Variants in GSK3B observed in about 807,000 individuals in gnomAD.
GSK3B encodes the protein glycogen synthase kinase 3 beta, also known as glycogen synthase kinase-3 beta.
Under a neutral mutation model 56.4 loss-of-function variants are expected in GSK3B, and 15 were observed. That is an observed-to-expected ratio of 0.27 (90% CI 0.18 to 0.41). The LOEUF (loss-of-function observed/expected upper bound fraction) is 0.41, where lower values mean the gene tolerates loss of function less well. Ranked by LOEUF, GSK3B falls within the 10% of genes least tolerant of loss-of-function variation. The pLI is 1.00. For synonymous variants in GSK3B, 181 were observed against 188.9 expected, an observed-to-expected ratio of 0.96 and a Z score of 0.34; for missense variants, 300 against 513.4, an observed-to-expected ratio of 0.58 and a Z score of 4.02.
intron 9 of GSK3B, among the ~76,000 whole-genome samples, chr3:119,854,353 T>C (rs2108023174): frequency 6.6e-6 from 1 of 152,350 alleles, no homozygotes; most frequent in Middle Eastern, 3.4e-3. Context: ...GCATCCATAT[T>C]CATCAGGGAT....
chr3:119,901,240 A>G (rs2056622062), intron 7 of GSK3B, among the ~76,000 whole-genome samples: 1 of 152,186 alleles, frequency 6.6e-6, no homozygotes, highest in African/African-American at 2.4e-5. Flanking sequence ...TTAAAGGAAA[A>G]AAAGCACATT....
At chr3:119,979,794 C>G (rs920224254) in intron 2 of GSK3B, among the ~76,000 whole-genome samples, 1 of 152,046 alleles carries the variant, frequency 6.6e-6, no homozygotes, top group Non-Finnish European at 1.5e-5. Context: ...GAAAAGGCAC[C>G]ACAAATCCCA....
chr3:120,034,477 T>A (rs6802301), intron 1 of GSK3B, among the ~76,000 whole-genome samples: 42,306 of 151,996 alleles, frequency 0.28, 7,639 homozygotes, highest in African/African-American at 0.52. Context: ...TTGTGGGGGA[T>A]AAAAAATTAT....
intron 2 of GSK3B, among the ~76,000 whole-genome samples, chr3:119,976,148 T>G (rs2057406663): frequency 6.6e-6 from 1 of 152,218 alleles, no homozygotes; most frequent in African/African-American, 2.4e-5. Context: ...GTACAGCTGC[T>G]TTAGAAAATA....
At chr3:119,920,466 C>T (rs865871193) in intron 4 of GSK3B, among the ~76,000 whole-genome samples, 1 of 152,120 alleles carries the variant, frequency 6.6e-6, no homozygotes, top group Non-Finnish European at 1.5e-5. Flanking sequence ...GTCTTGAACT[C>T]CTGACGACCT....
chr3:119,822,041 A>G lies in GSK3B; in HGVS notation c.*4747T>C, dbSNP rs2055416447. 5.1e-6 allele frequency: 1 copy of G among 197,010 alleles called. No homozygotes were observed. The highest frequency in any genetic ancestry group is 1.1e-5 in the Non-Finnish European group (1 of 94,994). 12.2% of individuals were successfully genotyped at this position (197,010 alleles called of 1,614,324 possible). A position where few individuals can be genotyped will look rare whatever the true frequency, so the allele number is the denominator to read the frequency against. Reference sequence around the variant, plus strand: ...ATTTCCAAACCAAGTCACATAGAACAAAATGTATTTACAAGGGAATGGGGA... The same window carrying G: ...ATTTCCAAACCAAGTCACATAGAACGAAATGTATTTACAAGGGAATGGGGA... On this transcript the variant is annotated 3_prime_UTR_variant, in exon 11 of 11. Transcript: ENST00000264235.
intron 5 of GSK3B, among the ~76,000 whole-genome samples, chr3:119,913,272 A>G (rs2056752501): frequency 6.6e-6 from 1 of 152,108 alleles, no homozygotes; most frequent in Non-Finnish European, 1.5e-5. Flanking sequence ...CTCACGGCGA[A>G]TATTTCAAGG....
chr3:119,837,024 C>T lies in GSK3B; in HGVS notation c.1195+6231G>A, dbSNP rs540734907. ...TTAAAGCTGTCATTAGTATGGAGGG[C>T]AAGTTAGCTATCATTAACATTTGAA... On this transcript the variant is annotated intron_variant, in intron 10 of 10. Coordinates refer to ENST00000264235, the MANE Select transcript of GSK3B (RefSeq NM_001146156.2). Among the ~76,000 whole-genome samples the T allele has an allele frequency of 3.8e-4, 58 of 152,264 alleles. 2 individuals carry two copies. The highest frequency in any genetic ancestry group is 3.4e-3 in the Middle Eastern group (1 of 294).
chr3:120,010,509 T>A (rs1033539294), intron 1 of GSK3B, among the ~76,000 whole-genome samples: 1 of 152,198 alleles, frequency 6.6e-6, no homozygotes, highest in African/African-American at 2.4e-5. Flanking sequence ...TCAAACATAG[T>A]CTGACTCTTC....
At chr3:120,012,429 C>T (rs951389085) in intron 1 of GSK3B, among the ~76,000 whole-genome samples, 9 of 152,170 alleles carry the variant, frequency 5.9e-5, no homozygotes, top group Admixed American at 6.5e-5. Context: ...AATTGGTCTT[C>T]GAAACCGCCT....
At chr3:120,046,957 C>A (rs1037076862) in intron 1 of GSK3B, among the ~76,000 whole-genome samples, 3 of 152,146 alleles carry the variant, frequency 2.0e-5, no homozygotes, top group Admixed American at 2.0e-4. Context: ...TCTTTGCACT[C>A]CAGTTTCCTC....
intron 9 of GSK3B, among the ~76,000 whole-genome samples, chr3:119,856,235 C>A (rs2056021123): frequency 6.6e-6 from 1 of 152,194 alleles, no homozygotes; most frequent in South Asian, 2.1e-4. Flanking sequence ...AAGGTCTACA[C>A]CTGTGTAGTT....
chr3:119,890,918 C>T (rs2056494593), intron 7 of GSK3B, among the ~76,000 whole-genome samples: 2 of 151,820 alleles, frequency 1.3e-5, no homozygotes, highest in Admixed American at 1.3e-4. Flanking sequence ...TTTAAGAAAG[C>T]AAAGATGAGA....
chr3:119,888,834 C>G (rs543718386), intron 7 of GSK3B, among the ~76,000 whole-genome samples: 48 of 152,134 alleles, frequency 3.2e-4, no homozygotes, highest in Non-Finnish European at 4.1e-4. Flanking sequence ...TAAACGGCTG[C>G]TCTGGGAGTG....
rs774768901 is a variant in GSK3B, at chr3:119,928,889, A to G, written c.367-5406T>C. On this transcript the variant is annotated intron_variant, in intron 3 of 10. Coordinates refer to ENST00000264235, the MANE Select transcript of GSK3B (RefSeq NM_001146156.2). ...TATTTTAAAGAACTGTCATGATATTATAAGAAATCATCAATGTGAAATTCT... is the reference window on the plus strand; with the variant it reads ...TATTTTAAAGAACTGTCATGATATTGTAAGAAATCATCAATGTGAAATTCT... 3.9e-5 allele frequency among the ~76,000 whole-genome samples: 6 copies of G among 152,344 alleles called. No homozygotes were observed. The South Asian group carries it at 8.3e-4, about 21-fold the overall frequency.
Position 120,080,301 on chromosome 3 carries a change from G to T in GSK3B, c.88+13046C>A, listed in dbSNP as rs553857750. Among the ~76,000 whole-genome samples the T allele has an allele frequency of 4.6e-5, 7 of 151,536 alleles. No individual in the cohort carries two copies. In the East Asian group the frequency reaches 1.4e-3, roughly 29 times the overall value. On this transcript the variant is annotated intron_variant, in intron 1 of 10. Transcript: ENST00000264235. ...GCAAGATTCTGTCTCCAAAAAAGGT[G>T]GGAGGAGGGGGAGGGAAGAAGGAAG...
rs370913963 is a variant in GSK3B at position 120,006,112 on chromosome 3, A to G, written c.89-3873T>C. ...CCAAGCAAATGGAAAGCAAAAAAAAATCCTGGTCTCTGATAAAATAGACTT... is the reference window on the plus strand; with the variant it reads ...CCAAGCAAATGGAAAGCAAAAAAAAGTCCTGGTCTCTGATAAAATAGACTT... On this transcript the variant is annotated intron_variant, in intron 1 of 10. Coordinates refer to ENST00000264235, the MANE Select transcript of GSK3B (RefSeq NM_001146156.2). Among the ~76,000 whole-genome samples the G allele has an allele frequency of 3.0e-4, 45 of 151,574 alleles. No homozygotes were observed. The East Asian group carries it at 5.4e-3, about 18-fold the overall frequency.
chr3:119,990,452 G>GTTTC (rs2057554063), intron 2 of GSK3B, among the ~76,000 whole-genome samples: 1 of 152,184 alleles, frequency 6.6e-6, no homozygotes, highest in Non-Finnish European at 1.5e-5. Context: ...CACATTTCGT[G>GTTTC]TTTCTTTCCT....
At chr3:119,848,292 A>G (rs1193342182) in intron 9 of GSK3B, among the ~76,000 whole-genome samples, 1 of 152,170 alleles carries the variant, frequency 6.6e-6, no homozygotes, top group Non-Finnish European at 1.5e-5. Flanking sequence ...TTTCACTCTA[A>G]TATGTGTCAC....
Sources: gnomAD v4.1 joint callset for allele counts (sites outside exome capture counted in the v4.1 genomes callset) on GRCh38, gnomAD v4.1.1 for gene constraint, MANE v1.5 for transcripts, NCBI Gene and HGNC (gene_info 2026-07-23, HGNC 2026-07-21) for gene names.